The following ZNF724 variants were observed in gnomAD, a reference collection of about 807,000 sequenced individuals.
ZNF724 encodes the protein zinc finger protein 724.
Under a neutral mutation model 29.3 loss-of-function variants are expected in ZNF724, and 14 were observed. The ratio of observed to expected loss-of-function variants is 0.48; its 90% CI spans 0.32 to 0.75. The LOEUF (loss-of-function observed/expected upper bound fraction) is 0.75. ZNF724 is among the 30% of genes least tolerant of loss of function. The pLI is 0.04. For synonymous variants in ZNF724, 180 were observed against 193.6 expected (o/e 0.93, Z 0.58); for missense variants, 557 against 571.2 (o/e 0.98, Z 0.25).
chr19:23,242,095 A>G (rs1193761895), intron 1 of ZNF724, among the ~76,000 whole-genome samples: 1 of 152,220 alleles, frequency 6.6e-6, no homozygotes, highest in East Asian at 1.9e-4. Context: ...ACAAGCCAAA[A>G]GCCAAATCAA....
In ZNF724 at chr19:23,246,725, A is replaced by C. The variant is rs548379939; in HGVS notation, c.3+3515T>G. Among the ~76,000 whole-genome samples the C allele has an allele frequency of 7.9e-5, 12 of 152,124 alleles. No individual in the cohort carries two copies. The South Asian group carries it at 2.5e-3, about 32-fold the overall frequency. On this transcript the variant is annotated intron_variant, in intron 1 of 3. Coordinates refer to ENST00000418100, the MANE Select transcript of ZNF724 (RefSeq NM_001355404.2). ...TACAGGATATAGAACAGAGATATTC[A>C]CTCTCAGAAATTTACCCTGCAATAA...
intron 1 of ZNF724, among the ~76,000 whole-genome samples, chr19:23,244,168 G>A (rs1249140943): frequency 6.6e-6 from 1 of 152,170 alleles, no homozygotes; most frequent in Non-Finnish European, 1.5e-5. Flanking sequence ...CTGGGTCCAT[G>A]CAGGCACGTG....
chr19:23,240,951 T>G (rs1489136963), intron 1 of ZNF724, among the ~76,000 whole-genome samples: 1 of 151,830 alleles, frequency 6.6e-6, no homozygotes, highest in African/African-American at 2.4e-5. Context: ...GAAAATTGCT[T>G]AAACCCCGGA....
chr19:23,225,403 C>G, intron 3 of ZNF724, among the ~76,000 whole-genome samples: 1 of 152,020 alleles, frequency 6.6e-6, no homozygotes, highest in East Asian at 1.9e-4. Flanking sequence ...TCAGGAGTTC[C>G]AGACCAGCCC....
At chr19:23,224,300 C>T (rs1358713565) in intron 3 of ZNF724, among the ~76,000 whole-genome samples, 2 of 152,098 alleles carry the variant, frequency 1.3e-5, no homozygotes, top group East Asian at 3.9e-4. Flanking sequence ...GTAATCCCAG[C>T]TACTCAGGAG....
chr19:23,229,126 ACT>A (rs991794881), intron 3 of ZNF724, among the ~76,000 whole-genome samples: 14 of 151,980 alleles, frequency 9.2e-5, no homozygotes, highest in African/African-American at 3.4e-4. Flanking sequence ...GAGTTGTGAA[ACT>A]CTGATAATGC....
Position 23,235,271 on chromosome 19 carries a change from TTC to T in ZNF724, c.4-2980_4-2979del, listed in dbSNP as rs542219808. Among the ~76,000 whole-genome samples, 40 of 152,362 alleles carry T rather than the reference TTC, an allele frequency of 2.6e-4. 1 individual carries two copies. The South Asian group carries it at 7.2e-3, about 28-fold the overall frequency. On this transcript the variant is annotated intron_variant, in intron 1 of 3. Coordinates refer to ENST00000418100, the MANE Select transcript of ZNF724 (RefSeq NM_001355404.2). ...TAAGGCTTAGCATTTTTATTTCATC[TTC>T]TGTTTCTCTGTCCTTGGTTTTTTTA...
At position 23,222,611 on chromosome 19, in the gene ZNF724, T is replaced by C; in HGVS notation, c.1634A>G (p.Gln545Arg). 7.3e-7 allele frequency: 1 copy of C among 1,365,590 alleles called. No individual in the cohort carries two copies. The highest frequency in any genetic ancestry group is 1.0e-6 in the Non-Finnish European group (1 of 956,528). 84.6% of individuals were successfully genotyped at this position (1,365,590 alleles called of 1,614,324 possible). Residue 545 changes from glutamine to arginine, a missense_variant, in exon 4 of 4, where the codon CAA becomes CGA. By Grantham distance (43) the Gln-to-Arg change is conservative. Transcript: ENST00000418100. ...CTTATGTTGAGTAAGGTTTGAGTAT[T>C]GGTAAAAAGCTTTGCCACATTCTTC... ...KCEECGKAFYQYSNLTQHKII... is the reference protein window; with the variant it reads ...KCEECGKAFYRYSNLTQHKII...
At chr19:23,248,924 G>A (rs76499546) in intron 1 of ZNF724, among the ~76,000 whole-genome samples, 2,076 of 152,164 alleles carry the variant, frequency 0.014, 59 homozygotes, top group African/African-American at 0.047. Context: ...GAACCCGGGA[G>A]GTGGAGGTTG....
In ZNF724 at chr19:23,250,337, G is replaced by A. The variant is rs893400422; in HGVS notation, c.-95C>T. 5 of 533,576 alleles carry A rather than the reference G, an allele frequency of 9.4e-6. No homozygotes were observed. Among genetic ancestry groups the A allele is most frequent in the South Asian group, 1.4e-5 (1 of 70,284 alleles). The allele number at this position is 533,576 out of a possible 1,614,324, so 33.1% of individuals were successfully genotyped here. A position where few individuals can be genotyped will look rare whatever the true frequency, so the allele number is the denominator to read the frequency against. ...ACAGAGGCTGGGCCTCTAAGAGCAGGGGACACAAAGCAGGGAAGACGAGAC... is the reference window on the plus strand; with the variant it reads ...ACAGAGGCTGGGCCTCTAAGAGCAGAGGACACAAAGCAGGGAAGACGAGAC... On this transcript the variant is annotated 5_prime_UTR_variant, in exon 1 of 4. Coordinates refer to ENST00000418100, the MANE Select transcript of ZNF724 (RefSeq NM_001355404.2).
In ZNF724 at chr19:23,222,607, G is replaced by A. The variant is rs1283417668; in HGVS notation, c.1638C>T (p.Tyr546=). 4.4e-6 allele frequency: 6 copies of A among 1,371,192 alleles called. No individual in the cohort carries two copies. In the South Asian group the frequency reaches 4.7e-5, roughly 11 times the overall value. 84.9% of individuals were successfully genotyped at this position (1,371,192 alleles called of 1,614,324 possible). The change falls in exon 4 of 4, where the codon TAC becomes TAT. Residue 546 remains tyrosine (Y), a synonymous_variant. Coordinates refer to ENST00000418100, the MANE Select transcript of ZNF724 (RefSeq NM_001355404.2). ...CEECGKAFYQ[Y]SNLTQHKIIH... is the part of the protein sequence containing the mutation. ...TTATCTTATGTTGAGTAAGGTTTGA[G>A]TATTGGTAAAAAGCTTTGCCACATT...
chr19:23,233,130 A>G (rs909689887), intron 1 of ZNF724, among the ~76,000 whole-genome samples: 37 of 152,344 alleles, frequency 2.4e-4, no homozygotes, highest in African/African-American at 8.7e-4. Context: ...CAATAAGTAA[A>G]TTATAGTCTA....
intron 1 of ZNF724, among the ~76,000 whole-genome samples, chr19:23,239,263 A>G (rs1972076706): frequency 6.6e-6 from 1 of 152,252 alleles, no homozygotes; most frequent in South Asian, 2.1e-4. Context: ...AAATCAACAT[A>G]GTATACATTC....
intron 1 of ZNF724, among the ~76,000 whole-genome samples, chr19:23,235,133 G>A (rs944031699): frequency 6.6e-6 from 1 of 152,250 alleles, no homozygotes; most frequent in Non-Finnish European, 1.5e-5. Flanking sequence ...CAGGTACTAT[G>A]TGCTCAAGAG....
chr19:23,235,710 C>G (rs1415252584), intron 1 of ZNF724, among the ~76,000 whole-genome samples: 1 of 152,110 alleles, frequency 6.6e-6, no homozygotes, highest in Admixed American at 6.5e-5. Flanking sequence ...TGACTGGAAG[C>G]CTGAGAGGAA....
At chr19:23,229,041 G>A (rs1971889004) in intron 3 of ZNF724, among the ~76,000 whole-genome samples, 1 of 151,222 alleles carries the variant, frequency 6.6e-6, no homozygotes, top group Non-Finnish European at 1.5e-5. Flanking sequence ...CCAGTCTGAG[G>A]AACAGAGTGA....
chr19:23,232,185 T>C lies in ZNF724; in HGVS notation c.112A>G (p.Arg38Gly), dbSNP rs1176485877. The change falls in exon 2 of 4, where the codon AGA (arginine) becomes GGA (glycine). Residue 38 changes from arginine (R) to glycine (G), a missense_variant. Coordinates refer to ENST00000418100, the MANE Select transcript of ZNF724 (RefSeq NM_001355404.2). ...LYRNVMLENYRNLVFLGIAVS... is the reference protein window; with the variant it reads ...LYRNVMLENYGNLVFLGIAVS... ...TTCTCACCCAGGAAGACCAGGTTTCTGTAGTTCTCTAACATCACGTTCCTA... is the reference window on the plus strand; with the variant it reads ...TTCTCACCCAGGAAGACCAGGTTTCCGTAGTTCTCTAACATCACGTTCCTA... 2.2e-6 allele frequency: 3 copies of C among 1,347,330 alleles called. No homozygotes were observed. The highest frequency in any genetic ancestry group is 2.3e-5 in the South Asian group (2 of 85,504). The allele number at this position is 1,347,330 out of a possible 1,614,324, so 83.5% of individuals were successfully genotyped here. A position where few individuals can be genotyped will look rare whatever the true frequency, so the allele number is the denominator to read the frequency against.
chr19:23,230,088 A>G (rs1030772691), intron 3 of ZNF724, among the ~76,000 whole-genome samples: 5 of 152,180 alleles, frequency 3.3e-5, no homozygotes, highest in Non-Finnish European at 7.4e-5. Flanking sequence ...ACGGTTCCAT[A>G]AACTTAAACT....
chr19:23,224,109 A>T, intron 3 of ZNF724, 91 bp from the exon 4 acceptor site: 2 of 556,040 alleles, frequency 3.6e-6, no homozygotes, highest in South Asian at 5.4e-5. Context: ...TACAAACTAC[A>T]TAAACAAGAT....
Sources: gnomAD v4.1 joint callset for allele counts (sites outside exome capture counted in the v4.1 genomes callset) on GRCh38, gnomAD v4.1.1 for gene constraint, MANE v1.5 for transcripts, NCBI Gene and HGNC (gene_info 2026-07-23, HGNC 2026-07-21) for gene names.